The following PRKCH variants were observed in gnomAD, a reference collection of about 807,000 sequenced individuals.
PRKCH encodes the protein protein kinase C eta type.
Under a neutral mutation model 82.5 loss-of-function variants are expected in PRKCH, and 28 were observed. That is an observed-to-expected ratio of 0.34 (90% CI 0.25 to 0.47). The LOEUF (loss-of-function observed/expected upper bound fraction) is 0.47, where lower values mean the gene tolerates loss of function less well. PRKCH is among the 20% of genes least tolerant of loss of function. The pLI is 1.00. For synonymous variants in PRKCH, 322 were observed against 327.4 expected (o/e 0.98, Z 0.18); for missense variants, 705 against 881.8 (o/e 0.80, Z 2.54).
chr14:61,334,710 T>C (rs1248909145), intron 1 of PRKCH, among the ~76,000 whole-genome samples: 2 of 152,296 alleles, frequency 1.3e-5, no homozygotes, highest in East Asian at 3.9e-4. Context: ...AGCAAGTCCC[T>C]CCATCTCTGA....
At chr14:61,224,245 G>C (rs549108291) in intron 1 of PRKCH, among the ~76,000 whole-genome samples, 2 of 152,166 alleles carry the variant, frequency 1.3e-5, no homozygotes, top group Admixed American at 6.5e-5. Context: ...TAGATTTACA[G>C]AAACACTGTA....
chr14:61,323,445 G>A (rs2045657019), intron 1 of PRKCH, among the ~76,000 whole-genome samples: 1 of 152,198 alleles, frequency 6.6e-6, no homozygotes, highest in Non-Finnish European at 1.5e-5. Flanking sequence ...AGTGGAGTAC[G>A]CCATTTGAAG....
At chr14:61,254,972 G>T (rs2044985270) in intron 1 of PRKCH, among the ~76,000 whole-genome samples, 1 of 152,176 alleles carries the variant, frequency 6.6e-6, no homozygotes, top group Non-Finnish European at 1.5e-5. Context: ...GCAGATCCGT[G>T]AATAACCAAG....
intron 1 of PRKCH, among the ~76,000 whole-genome samples, chr14:61,264,543 C>A (rs2045079815): frequency 6.6e-6 from 1 of 152,168 alleles, no homozygotes; most frequent in African/African-American, 2.4e-5. Context: ...CAAAAATCAG[C>A]TAGGGAATTT....
At chr14:61,547,676 C>T in intron 12 of PRKCH, 67 bp from the exon 13 acceptor site, 2 of 1,555,028 alleles carry the variant, frequency 1.3e-6, no homozygotes, top group Non-Finnish European at 1.7e-6. Flanking sequence ...TGGCTGATGC[C>T]TGCTGTCTTG....
intron 1 of PRKCH, among the ~76,000 whole-genome samples, chr14:61,213,622 T>C (rs151015383): frequency 4.9e-4 from 75 of 152,306 alleles, no homozygotes; most frequent in African/African-American, 1.7e-3. Context: ...TCCTCTCAAA[T>C]AAACAGGGCT....
At chr14:61,407,990 C>A (rs187365688) in intron 2 of PRKCH, among the ~76,000 whole-genome samples, 1 of 152,216 alleles carries the variant, frequency 6.6e-6, no homozygotes, top group Admixed American at 6.5e-5. Context: ...TGAATTCACA[C>A]CTCTATGCCT....
intron 2 of PRKCH, among the ~76,000 whole-genome samples, chr14:61,423,982 A>G (rs1473459976): frequency 6.6e-6 from 1 of 152,138 alleles, no homozygotes; most frequent in African/African-American, 2.4e-5. Flanking sequence ...TTCTTGTGAT[A>G]GTGAGGGAAT....
At chr14:61,303,730 T>C (rs1292357773) in intron 1 of PRKCH, 1 of 152,010 alleles carries the variant, frequency 6.6e-6, no homozygotes, top group Non-Finnish European at 1.5e-5. Flanking sequence ...ATTTGTTTTC[T>C]GCTTGTCTCA....
intron 1 of PRKCH, among the ~76,000 whole-genome samples, chr14:61,206,172 C>A (rs1392502580): frequency 6.6e-6 from 1 of 152,170 alleles, no homozygotes; most frequent in Non-Finnish European, 1.5e-5. Context: ...GCTGCTGTAA[C>A]AAATTATGAA....
intron 2 of PRKCH, among the ~76,000 whole-genome samples, chr14:61,416,195 A>G (rs981630379): frequency 6.0e-5 from 9 of 150,958 alleles, no homozygotes; most frequent in Non-Finnish European, 1.3e-4. Flanking sequence ...AGCTGGGACT[A>G]CAGGTGTGCA....
chr14:61,484,619 T>C (rs1319642142), intron 9 of PRKCH, among the ~76,000 whole-genome samples: 1 of 152,112 alleles, frequency 6.6e-6, no homozygotes, highest in Non-Finnish European at 1.5e-5. Flanking sequence ...CTTTTAAGAG[T>C]CCACTTTTAC....
At chr14:61,433,980 A>T (rs1049695720) in intron 2 of PRKCH, among the ~76,000 whole-genome samples, 7 of 152,214 alleles carry the variant, frequency 4.6e-5, no homozygotes, top group Non-Finnish European at 1.0e-4. Context: ...ATAAACAATG[A>T]CAACAATAAA....
chr14:61,391,262 T>G lies in PRKCH; in HGVS notation c.401T>G (p.Ile134Arg). The change falls in exon 2 of 14, where the codon ATA (isoleucine) becomes AGA (arginine). Residue 134 changes from isoleucine (I) to arginine (R), a missense_variant. Ile to Arg is a moderately conservative substitution (Grantham distance 97, BLOSUM62 -3). Coordinates refer to ENST00000332981, the MANE Select transcript of PRKCH (RefSeq NM_006255.5). ...CCAGAGGGGAAAGTATTTGTGGTAATAACCCTTACCGGGAGTTTCACTGAA... is the reference window on the plus strand; with the variant it reads ...CCAGAGGGGAAAGTATTTGTGGTAAGAACCCTTACCGGGAGTTTCACTGAA... ...LEPEGKVFVV[I>R]TLTGSFTEAT... 6.2e-7 allele frequency: 1 copy of G among 1,611,324 alleles called. No individual in the cohort carries two copies. Among genetic ancestry groups the G allele is most frequent in the Non-Finnish European group, 8.5e-7 (1 of 1,178,834 alleles).
chr14:61,481,990 CTTTTTTTTTTTTTT>C lies in PRKCH; in HGVS notation c.1279-3502_1279-3489del, dbSNP rs35134897. 4.0e-5 allele frequency among the ~76,000 whole-genome samples: 4 copies of C among 101,078 alleles called. No homozygotes were observed. The South Asian group carries it at 1.4e-3, about 35-fold the overall frequency. 66.3% of individuals were successfully genotyped at this position (101,078 alleles called of 152,430 possible). ...GATGTGTGGGTCTTCTTTCCTTTTC[CTTTTTTTTTTTTTT>C]TTTTTTTTTGAGACAGAGTCCCCCT... On this transcript the variant is annotated intron_variant, in intron 9 of 13. Transcript: ENST00000332981.
At chr14:61,258,812 A>G (rs1456058646) in intron 1 of PRKCH, among the ~76,000 whole-genome samples, 3 of 152,056 alleles carry the variant, frequency 2.0e-5, no homozygotes. Context: ...TCTCCATGCC[A>G]CTCTGTTATT....
chr14:61,447,682 CTAAG>C (rs1884293540), intron 4 of PRKCH, among the ~76,000 whole-genome samples: 1 of 152,056 alleles, frequency 6.6e-6, no homozygotes, highest in African/African-American at 2.4e-5. Context: ...ATGTCACATT[CTAAG>C]TAACACATGG....
rs2043032583 is a variant in PRKCH, at chr14:61,530,500, G to A, written c.1666G>A (p.Ala556Thr). The A allele has an allele frequency of 6.2e-7, 1 of 1,612,720 alleles. No homozygotes were observed. Among genetic ancestry groups the A allele is most frequent in the Non-Finnish European group, 8.5e-7 (1 of 1,179,364 alleles). ...EMLCGHAPFE[A>T]ENEDDLFEAI... Reference sequence around the variant, plus strand: ...GCTCTGTGGTCACGCGCCTTTTGAGGCAGAGAACGAAGATGACCTCTTTGA... The same window carrying A: ...GCTCTGTGGTCACGCGCCTTTTGAGACAGAGAACGAAGATGACCTCTTTGA... The change falls in exon 12 of 14, where the codon GCA becomes ACA. Residue 556 changes from alanine to threonine, a missense_variant. Ala to Thr is a moderately conservative substitution (Grantham distance 58). This residue lies in a region of PRKCH where 115 missense variants were observed against 193.8 expected (regional missense o/e 0.59). Transcript: ENST00000332981.
intron 1 of PRKCH, among the ~76,000 whole-genome samples, chr14:61,265,433 A>G (rs747603014): frequency 1.3e-5 from 2 of 152,192 alleles, no homozygotes; most frequent in Non-Finnish European, 2.9e-5. Context: ...GTGAGCCAAG[A>G]TCGTGCCGTT....
Sources: allele counts gnomAD v4.1 joint callset (sites outside exome capture counted in the v4.1 genomes callset), GRCh38; gene constraint gnomAD v4.1.1; regional missense constraint gnomAD v4.1.1; transcripts MANE v1.5; gene names NCBI Gene and HGNC (gene_info 2026-07-23, HGNC 2026-07-21).